BAIAP2L1: variants seen among roughly 807,000 people sequenced by gnomAD.
BAIAP2L1 encodes the protein BAR/IMD domain-containing adapter protein 2-like 1.
Under a neutral mutation model 66.3 loss-of-function variants are expected in BAIAP2L1, and 35 were observed. The ratio of observed to expected loss-of-function variants is 0.53; its 90% CI spans 0.40 to 0.70. The LOEUF (loss-of-function observed/expected upper bound fraction) is 0.70. BAIAP2L1 is among the 30% of genes least tolerant of loss of function. The pLI, the probability that BAIAP2L1 is intolerant of heterozygous loss-of-function variation, is 0.00. For missense variants in BAIAP2L1, 622 were observed against 656.9 expected (o/e 0.95, Z 0.58); for synonymous variants, 269 against 248.7 (o/e 1.08, Z -0.77).
intron 11 of BAIAP2L1, 91 bp downstream of exon 11, chr7:98,306,348 G>A: frequency 6.8e-7 from 1 of 1,470,128 alleles, no homozygotes; most frequent in South Asian, 1.1e-5. Flanking sequence ...CTTAGGGCAG[G>A]GCCTGCGACA....
intron 12 of BAIAP2L1, among the ~76,000 whole-genome samples, chr7:98,296,424 G>C (rs1441001628): frequency 6.6e-6 from 1 of 152,126 alleles, no homozygotes. Context: ...TCGGGAGTTC[G>C]AGACCAGCCT....
Position 98,320,073 on chromosome 7 carries a change from G to A in BAIAP2L1, c.333C>T (p.Asp111=), listed in dbSNP as rs773734823. 1.4e-5 allele frequency: 22 copies of A among 1,613,290 alleles called. No homozygotes were observed. Among genetic ancestry groups the A allele is most frequent in the South Asian group, 3.3e-5 (3 of 90,900 alleles). ...IHELEKKIEL[D]VKYMNATLKR... ...ATGCACTTACGTTCATATATTTCAC[G>A]TCAAGTTCTATCTTCTTCTCCAGCT... The change falls in exon 5 of 14, where the codon GAC becomes GAT. Residue 111 remains aspartate (D), a synonymous_variant. Transcript: ENST00000005260.
intron 3 of BAIAP2L1, among the ~76,000 whole-genome samples, chr7:98,350,123 A>G (rs571160094): frequency 2.6e-5 from 4 of 152,224 alleles, no homozygotes; most frequent in Admixed American, 2.6e-4. Context: ...GGGGAAAAAA[A>G]AAAAGAACAT....
chr7:98,337,056 A>G (rs1801631563), intron 3 of BAIAP2L1, among the ~76,000 whole-genome samples: 1 of 152,182 alleles, frequency 6.6e-6, no homozygotes, highest in African/African-American at 2.4e-5. Context: ...TCGTATTTCC[A>G]TTAATGCTAA....
chr7:98,336,618 AAAAAT>A (rs1279552174), intron 3 of BAIAP2L1, among the ~76,000 whole-genome samples: 9 of 152,220 alleles, frequency 5.9e-5, no homozygotes, highest in South Asian at 2.1e-4. Flanking sequence ...TTTGTCTCAA[AAAAAT>A]AAAATAAAAT....
chr7:98,376,675 A>AAAC (rs1554339628), intron 1 of BAIAP2L1, among the ~76,000 whole-genome samples: 1 of 148,860 alleles, frequency 6.7e-6, no homozygotes, highest in Non-Finnish European at 1.5e-5. Context: ...AAAAAAAAAA[A>AAAC]CACACAAAAA....
chr7:98,354,131 G>A (rs954355745), intron 3 of BAIAP2L1, among the ~76,000 whole-genome samples: 1 of 151,820 alleles, frequency 6.6e-6, no homozygotes, highest in Non-Finnish European at 1.5e-5. Flanking sequence ...GACCCAGATC[G>A]CCTCTGCACC....
At chr7:98,317,082 A>C in intron 6 of BAIAP2L1, 137 bp downstream of exon 6, 3 of 1,066,296 alleles carry the variant, frequency 2.8e-6, no homozygotes, top group South Asian at 1.5e-5. Flanking sequence ...CGAACTCCTG[A>C]CCTCATATGA....
At chr7:98,378,134 G>C (rs1390739324) in intron 1 of BAIAP2L1, among the ~76,000 whole-genome samples, 1 of 151,866 alleles carries the variant, frequency 6.6e-6, no homozygotes. Context: ...GGGTGACAGA[G>C]TAAGACTCTG....
At chr7:98,386,693 GTTTTTTT>G (rs71112150) in intron 1 of BAIAP2L1, 145 of 188,626 alleles carry the variant, frequency 7.7e-4, no homozygotes, top group South Asian at 1.3e-3. Flanking sequence ...CTTTCCAAAG[GTTTTTTT>G]TTTTTTTTTT....
intron 3 of BAIAP2L1, among the ~76,000 whole-genome samples, chr7:98,327,468 G>A (rs1268143174): frequency 1.3e-5 from 2 of 152,106 alleles, no homozygotes; most frequent in African/African-American, 4.8e-5. Flanking sequence ...GAAGTAAGGT[G>A]TTTGAGACCA....
rs756624211 is a variant in BAIAP2L1 at position 98,315,584 on chromosome 7, C to G, written c.515G>C (p.Ser172Thr). Residue 172 changes from serine (S) to threonine (T), a missense_variant, in exon 7 of 14, where the codon AGT becomes ACT. Ser to Thr is a moderately conservative substitution (Grantham distance 58). Transcript: ENST00000005260. ...EYVETVTSRQ[S>T]EIQKFIADGC... ...ATCTGCAATGAATTTCTGGATTTCA[C>G]TCTGACGAGAAGTAACGGTCTCCAC... 8.1e-6 allele frequency: 12 copies of G among 1,472,550 alleles called. No individual in the cohort carries two copies. The East Asian group carries it at 2.8e-4, about 34-fold the overall frequency. 91.2% of individuals were successfully genotyped at this position (1,472,550 alleles called of 1,614,324 possible). A position where few individuals can be genotyped will look rare whatever the true frequency, so the allele number is the denominator to read the frequency against.
chr7:98,361,385 AG>A (rs1802268474), intron 2 of BAIAP2L1, among the ~76,000 whole-genome samples: 2 of 149,470 alleles, frequency 1.3e-5, no homozygotes, highest in African/African-American at 5.0e-5. Flanking sequence ...AAAGAAAGAA[AG>A]AAGAGATAAG....
At chr7:98,364,220 A>G (rs1802339386) in intron 1 of BAIAP2L1, among the ~76,000 whole-genome samples, 1 of 152,118 alleles carries the variant, frequency 6.6e-6, no homozygotes, top group African/African-American at 2.4e-5. Flanking sequence ...TCCCTTTCTC[A>G]GTAAAGCCTG....
intron 3 of BAIAP2L1, among the ~76,000 whole-genome samples, chr7:98,320,591 T>A (rs1248747705): frequency 6.6e-6 from 1 of 152,206 alleles, no homozygotes; most frequent in African/African-American, 2.4e-5. Context: ...TGCCTTGGCC[T>A]CTCAAAGTTC....
intron 3 of BAIAP2L1, among the ~76,000 whole-genome samples, chr7:98,350,414 T>C (rs962493706): frequency 3.3e-5 from 5 of 151,128 alleles, no homozygotes; most frequent in African/African-American, 9.7e-5. Context: ...TCCCAGCACT[T>C]TGGGAGGCTG....
At chr7:98,369,844 G>GT (rs1381996406) in intron 1 of BAIAP2L1, among the ~76,000 whole-genome samples, 3 of 151,520 alleles carry the variant, frequency 2.0e-5, no homozygotes, top group Non-Finnish European at 2.9e-5. Flanking sequence ...GCTAATTTTT[G>GT]TTTTTTTAGT....
At chr7:98,312,451 G>A (rs1216221850) in intron 7 of BAIAP2L1, among the ~76,000 whole-genome samples, 187 bp from the exon 8 acceptor site, 3 of 152,160 alleles carry the variant, frequency 2.0e-5, no homozygotes, top group East Asian at 3.9e-4. Flanking sequence ...GCTGAGAGGG[G>A]CAAAGGCTCT....
chr7:98,360,086 C>T (rs1802234653), intron 2 of BAIAP2L1, among the ~76,000 whole-genome samples: 1 of 152,086 alleles, frequency 6.6e-6, no homozygotes, highest in African/African-American at 2.4e-5. Flanking sequence ...CCACTCCCGG[C>T]TAAATTTTGT....
Sources: gnomAD v4.1 joint callset for allele counts (sites outside exome capture counted in the v4.1 genomes callset) on GRCh38, gnomAD v4.1.1 for gene constraint, MANE v1.5 for transcripts, NCBI Gene and HGNC (gene_info 2026-07-23, HGNC 2026-07-21) for gene names.